The following NEK2 variants were observed in gnomAD, a reference collection of about 807,000 sequenced individuals.
NEK2 encodes the protein NIMA related kinase 2.
Under a neutral mutation model 54.1 loss-of-function variants are expected in NEK2, and 28 were observed. The ratio of observed to expected loss-of-function variants is 0.52; its 90% CI spans 0.38 to 0.71. The LOEUF is 0.71. Among genes scored for constraint, NEK2 ranks in the 30% least tolerant of loss-of-function variants. The pLI, the probability that NEK2 is intolerant of heterozygous loss-of-function variation, is 0.00. For synonymous variants in NEK2, 176 were observed against 193.1 expected (o/e 0.91, Z 0.73); for missense variants, 407 against 531.5 (o/e 0.77, Z 2.30).
At position 211,669,106 on chromosome 1, in the gene NEK2, G is replaced by C; in HGVS notation, c.985+7C>G. On this transcript the variant is annotated splice_region_variant and intron_variant, in intron 6 of 7. Transcript: ENST00000366999. ...TCTCCTTTGCTTTGACCCCCATTCA[G>C]ACTTACGCTCCAATCTTTCTTCTCT... 1 of 1,613,178 alleles carries C rather than the reference G, an allele frequency of 6.2e-7. No homozygotes were observed.
intron 1 of NEK2, among the ~76,000 whole-genome samples, chr1:211,674,910 G>T (rs995125620): frequency 1.3e-5 from 2 of 152,210 alleles, no homozygotes; most frequent in Non-Finnish European, 2.9e-5. Flanking sequence ...CAGCCAGGCA[G>T]TTTCCTGTCC....
rs765948759 is a variant in NEK2 at position 211,669,143 on chromosome 1, C to T, written c.955G>A (p.Ala319Thr). 4 of 1,613,836 alleles carry T rather than the reference C, an allele frequency of 2.5e-6. No homozygotes were observed. The highest frequency in any genetic ancestry group is 2.7e-5 in the African/African-American group (2 of 74,934). Residue 319 changes from alanine to threonine, a missense_variant, in exon 6 of 8, where the codon GCT becomes ACT. By Grantham distance (58) the Ala-to-Thr change is moderately conservative. Coordinates refer to ENST00000366999, the MANE Select transcript of NEK2 (RefSeq NM_002497.4). ...AATCTTTCTTCTCTTGCTTTGAGAG[C>T]TCGCTCTCGCTCCTGTAACTGAATT... ...KEIQLQERERALKAREERLEQ... is the reference protein window; with the variant it reads ...KEIQLQERERTLKAREERLEQ...
intron 5 of NEK2, among the ~76,000 whole-genome samples, chr1:211,669,697 CACTG>C (rs1655305683): frequency 6.6e-6 from 1 of 152,234 alleles, no homozygotes; most frequent in Non-Finnish European, 1.5e-5. Flanking sequence ...GATACTCTCT[CACTG>C]ACTCTCAATC....
Position 211,671,191 on chromosome 1 carries a change from A to T in NEK2, c.638+11T>A. 6.2e-7 allele frequency: 1 copy of T among 1,601,716 alleles called. No individual in the cohort carries two copies. The highest frequency in any genetic ancestry group is 8.6e-7 in the Non-Finnish European group (1 of 1,169,258). ...AACCTTAGACTAGGAATCTGTCTTC[A>T]TCATACTTACATTAATGCACATAAC... is the stretch of plus-strand genomic sequence containing the variant. On this transcript the variant is annotated intron_variant, in intron 4 of 7. Transcript: ENST00000366999.
At chr1:211,667,016 A>T in intron 7 of NEK2, 90 bp downstream of exon 7, 1 of 1,557,910 alleles carries the variant, frequency 6.4e-7, no homozygotes, top group Non-Finnish European at 8.6e-7. Flanking sequence ...TGTAAATGAA[A>T]AGGGCTACCT....
intron 6 of NEK2, among the ~76,000 whole-genome samples, chr1:211,668,725 A>C (rs181001470): frequency 6.6e-6 from 1 of 152,230 alleles, no homozygotes; most frequent in Non-Finnish European, 1.5e-5. Context: ...CCATTTCAAA[A>C]GACAAAAGTC....
chr1:211,673,948 C>G (rs1655489545), intron 2 of NEK2, among the ~76,000 whole-genome samples: 2 of 152,134 alleles, frequency 1.3e-5, no homozygotes, highest in African/African-American at 4.8e-5. Flanking sequence ...CCTTAGCCTC[C>G]CAAGTAGCTT....
intron 7 of NEK2, chr1:211,666,854 T>C (rs922197791): frequency 1.7e-6 from 2 of 1,185,204 alleles, no homozygotes; most frequent in Non-Finnish European, 2.1e-6. Flanking sequence ...TTACTAAACA[T>C]GTAGTTTGAT....
Position 211,662,947 on chromosome 1 carries a change from T to C in NEK2, c.*479A>G, listed in dbSNP as rs551791318. ...TGGAATATTTATAAGCAAGATGTCA[T>C]GGTATTAATGACCAAATTGCATCTA... On this transcript the variant is annotated 3_prime_UTR_variant, in exon 8 of 8. Transcript: ENST00000366999. The surrounding 1 kb of genome is among the most constrained non-coding windows in gnomAD (Gnocchi z 4.2). 3 of 988,478 alleles carry C rather than the reference T, an allele frequency of 3.0e-6. No homozygotes were observed. The highest frequency in any genetic ancestry group is 3.6e-6 in the Non-Finnish European group (3 of 831,588). 61.2% of individuals were successfully genotyped at this position (988,478 alleles called of 1,614,324 possible). A position where few individuals can be genotyped will look rare whatever the true frequency, so the allele number is the denominator to read the frequency against.
chr1:211,663,380 T>C lies in NEK2; in HGVS notation c.*46A>G, dbSNP rs1336671030. ...GCATTTGAATATCAGTCTTTAAAGG[T>C]TGGTAATATTACATCCTGTACACAG... On this transcript the variant is annotated 3_prime_UTR_variant, in exon 8 of 8. Transcript: ENST00000366999. 2.6e-6 allele frequency: 4 copies of C among 1,566,174 alleles called. No homozygotes were observed. Among genetic ancestry groups the C allele is most frequent in the Non-Finnish European group, 2.6e-6 (3 of 1,152,314 alleles).
intron 6 of NEK2, among the ~76,000 whole-genome samples, chr1:211,667,676 T>C (rs1045710951): frequency 1.3e-5 from 2 of 152,192 alleles, no homozygotes; most frequent in Admixed American, 6.5e-5. Flanking sequence ...TGGTAGTTCA[T>C]AGGATTAGTA....
In NEK2 at chr1:211,674,386, A is replaced by G. The variant is rs985623901; in HGVS notation, c.224T>C (p.Ile75Thr). Residue 75 changes from isoleucine (I) to threonine (T), a missense_variant, in exon 2 of 8, where the codon ATT becomes ACT. By Grantham distance (89) the Ile-to-Thr change is moderately conservative. Coordinates refer to ENST00000366999, the MANE Select transcript of NEK2 (RefSeq NM_002497.4). ...GTACAGTGTTGTATTGGTCCGGTCA[A>G]TAATCCGATCATAGTAACGAACGAT... ...PNIVRYYDRI[I>T]DRTNTTLYIV... 5 of 1,614,052 alleles carry G rather than the reference A, an allele frequency of 3.1e-6. No homozygotes were observed. In the African/African-American group the frequency reaches 4.0e-5, roughly 13 times the overall value.
chr1:211,674,843 T>C (rs974255674), intron 1 of NEK2, among the ~76,000 whole-genome samples: 1 of 152,162 alleles, frequency 6.6e-6, no homozygotes, highest in African/African-American at 2.4e-5. Context: ...CCTGCCCCAT[T>C]CCACCCCAGT....
At chr1:211,674,984 T>C (rs946573929) in intron 1 of NEK2, among the ~76,000 whole-genome samples, 1 of 152,196 alleles carries the variant, frequency 6.6e-6, no homozygotes, top group Non-Finnish European at 1.5e-5. Flanking sequence ...ATAATCCTAA[T>C]AATGGATATT....
At chr1:211,668,979 G>A (rs762715459) in intron 6 of NEK2, 134 bp downstream of exon 6, 5 of 792,264 alleles carry the variant, frequency 6.3e-6, no homozygotes, top group Non-Finnish European at 1.0e-5. Flanking sequence ...TACATATTTT[G>A]GTTTCTCAAG....
chr1:211,665,559 G>A (rs1356482364), intron 7 of NEK2, among the ~76,000 whole-genome samples: 1 of 152,068 alleles, frequency 6.6e-6, no homozygotes, highest in East Asian at 1.9e-4. Context: ...ATTCATCCAG[G>A]TAAAATTTTC....
rs189939448 is a variant in NEK2, at chr1:211,669,210, C to T, written c.888G>A (p.Ser296=). ...RGRQLGEPEK[S]QDSSPVLSEL... is the part of the protein sequence containing the mutation. Reference sequence around the variant, plus strand: ...CACTCAATACAGGGCTGGAATCCTGCGATTTTTCTGGCTCTCCTAATTGTC... The same window carrying T: ...CACTCAATACAGGGCTGGAATCCTGTGATTTTTCTGGCTCTCCTAATTGTC... The change falls in exon 6 of 8, where the codon TCG becomes TCA. Residue 296 remains serine (S), a synonymous_variant. Transcript: ENST00000366999. 2.3e-4 allele frequency: 369 copies of T among 1,613,990 alleles called. 3 individuals are homozygous for T. Among genetic ancestry groups the T allele is most frequent in the East Asian group, 2.0e-4 (9 of 44,884 alleles).
chr1:211,661,275 C>G, downstream of NEK2: 1 of 621,458 alleles, frequency 1.6e-6, no homozygotes, highest in Non-Finnish European at 3.0e-6. Context: ...GCAAAGGGCT[C>G]TATTCCTGGA....
intron 5 of NEK2, 119 bp from the exon 6 acceptor site, chr1:211,669,451 TG>T (rs1450253795): frequency 4.3e-5 from 38 of 883,012 alleles, no homozygotes; most frequent in Non-Finnish European, 5.9e-5. Context: ...GACTCCTTTA[TG>T]GCTAGGTCTT....
Sources: allele counts gnomAD v4.1 joint callset (sites outside exome capture counted in the v4.1 genomes callset), GRCh38; gene constraint gnomAD v4.1.1; non-coding constraint Gnocchi (gnomAD v3.1); transcripts MANE v1.5; gene names NCBI Gene and HGNC (gene_info 2026-07-23, HGNC 2026-07-21).